The following CDH18 variants were observed in gnomAD, a reference collection of about 807,000 sequenced individuals.
The protein encoded by CDH18 is cadherin 18.
In CDH18, 31 loss-of-function variants were observed where a neutral mutation model predicts 67.9. That is an observed-to-expected ratio of 0.46 (90% CI 0.34 to 0.62). CDH18 has a LOEUF of 0.62. CDH18 is among the 20% of genes least tolerant of loss of function. The pLI is 0.01. For missense variants in CDH18, 890 were observed against 975.5 expected (o/e 0.91, Z 1.17); for synonymous variants, 362 against 347.2 (o/e 1.04, Z -0.48).
At chr5:20,325,666 A>AT (rs1039064617) in intron 1 of CDH18, among the ~76,000 whole-genome samples, 1 of 152,034 alleles carries the variant, frequency 6.6e-6, no homozygotes, top group Non-Finnish European at 1.5e-5. Context: ...TAGAAAAAAA[A>AT]AAGAAATAAA....
At chr5:20,095,391 AG>A (rs1451531041) in intron 2 of CDH18, among the ~76,000 whole-genome samples, 14 of 82,404 alleles carry the variant, frequency 1.7e-4, no homozygotes, top group South Asian at 1.3e-3. Flanking sequence ...AAAGAGAAAC[AG>A]AAGAAAGAAA....
At chr5:20,146,609 T>C (rs1300248533) in intron 2 of CDH18, among the ~76,000 whole-genome samples, 2 of 72,922 alleles carry the variant, frequency 2.7e-5, no homozygotes, top group Non-Finnish European at 6.7e-5. Context: ...TACTGAAAAC[T>C]AATTTTGTAA....
At chr5:20,510,925 A>G (rs191335296) in intron 1 of CDH18, among the ~76,000 whole-genome samples, 2 of 152,324 alleles carry the variant, frequency 1.3e-5, no homozygotes, top group African/African-American at 4.8e-5. Context: ...CAAAACACCG[A>G]TGTTGCCGAT....
chr5:20,471,946 G>GT (rs1554005570), intron 1 of CDH18, among the ~76,000 whole-genome samples: 3 of 102 alleles, frequency 0.029, no homozygotes, highest in African/African-American at 0.075. Context: ...ATACTCCTGG[G>GT]TGTCTGTCTA....
intron 2 of CDH18, among the ~76,000 whole-genome samples, chr5:20,242,895 T>C (rs183739530): frequency 4.0e-4 from 61 of 152,030 alleles, no homozygotes; most frequent in Admixed American, 3.4e-3. Context: ...TTTAGTAAAT[T>C]CTTCATTGAA....
rs1202344827 is a variant in CDH18 at position 19,903,556 on chromosome 5, T to C, written c.-256-64314A>G. On this transcript the variant is annotated intron_variant, in intron 2 of 12. Transcript: ENST00000382275. The stretch of plus-strand genomic sequence containing the variant: ...GTGTGTGTGTGTATATATATATATA[T>C]ATATATATATTTGTTGAGCCTCAGC... 1.8e-4 allele frequency among the ~76,000 whole-genome samples: 26 copies of C among 146,334 alleles called. No individual in the cohort carries two copies. The East Asian group carries it at 4.8e-3, about 27-fold the overall frequency.
chr5:20,472,032 G>A (rs1190157501), intron 1 of CDH18, among the ~76,000 whole-genome samples: 1 of 4,312 alleles, frequency 2.3e-4, no homozygotes, highest in East Asian at 7.1e-3. Context: ...TCCAGCCACT[G>A]TGAATATCGT....
chr5:19,579,751 GT>G (rs991715414), intron 7 of CDH18, among the ~76,000 whole-genome samples: 10 of 151,520 alleles, frequency 6.6e-5, no homozygotes, highest in African/African-American at 2.4e-4. Flanking sequence ...TGTTTCTACA[GT>G]TTTTAAGGCA....
intron 2 of CDH18, among the ~76,000 whole-genome samples, chr5:19,996,905 C>T (rs1293987700): frequency 6.6e-6 from 1 of 151,908 alleles, no homozygotes; most frequent in Non-Finnish European, 1.5e-5. Context: ...AATATATGTA[C>T]ACCTGACTAG....
intron 2 of CDH18, among the ~76,000 whole-genome samples, chr5:20,034,757 A>G (rs1447160135): frequency 6.6e-6 from 1 of 151,998 alleles, no homozygotes; most frequent in African/African-American, 2.4e-5. Flanking sequence ...AACCTTCATA[A>G]TTGTATGAAC....
chr5:20,172,228 A>ACG (rs1561848726), intron 2 of CDH18, among the ~76,000 whole-genome samples: 13 of 110,694 alleles, frequency 1.2e-4, no homozygotes, highest in South Asian at 2.7e-4. Context: ...ATATATGTAT[A>ACG]TATATATATA....
chr5:19,709,282 G>C (rs1311603612), intron 5 of CDH18, among the ~76,000 whole-genome samples: 1 of 152,046 alleles, frequency 6.6e-6, no homozygotes. Flanking sequence ...TAAAGAAAAG[G>C]CTTGGCCCAG....
intron 2 of CDH18, among the ~76,000 whole-genome samples, chr5:19,873,815 T>C (rs1408421480): frequency 7.9e-5 from 12 of 151,980 alleles, no homozygotes. Context: ...GCCCGGCTAA[T>C]TTTTTGTATT....
In CDH18 at chr5:20,526,529, C is replaced by A. The variant is rs187987089; in HGVS notation, c.-580+48933G>T. The stretch of plus-strand genomic sequence containing the variant: ...AGCTCTGGCTGGCACTAGGTCAGTG[C>A]CCCTCTGGGACGAAGCTTCCGGAGG... On this transcript the variant is annotated intron_variant, in intron 1 of 14. Transcript: ENST00000507958. 6.1e-3 allele frequency among the ~76,000 whole-genome samples: 926 copies of A among 152,136 alleles called. 3 individuals carry two copies. Among genetic ancestry groups the A allele is most frequent in the Non-Finnish European group, 9.2e-3 (625 of 68,020 alleles).
At chr5:19,638,682 G>A (rs1753527019) in intron 5 of CDH18, among the ~76,000 whole-genome samples, 1 of 151,274 alleles carries the variant, frequency 6.6e-6, no homozygotes, top group African/African-American at 2.4e-5. Flanking sequence ...AAATTATCCA[G>A]CCATCCATGA....
At chr5:20,132,440 C>T (rs1185146183) in intron 2 of CDH18, among the ~76,000 whole-genome samples, 1 of 152,048 alleles carries the variant, frequency 6.6e-6, no homozygotes, top group Non-Finnish European at 1.5e-5. Context: ...TGAACCAATA[C>T]AAATGCACTA....
chr5:20,075,453 A>C (rs1420275790), intron 2 of CDH18, among the ~76,000 whole-genome samples: 1 of 152,122 alleles, frequency 6.6e-6, no homozygotes, highest in African/African-American at 2.4e-5. Flanking sequence ...CAGTGAGCCG[A>C]GATTGCGCCA....
At chr5:19,859,078 A>G (rs1477908207) in intron 2 of CDH18, among the ~76,000 whole-genome samples, 1 of 152,188 alleles carries the variant, frequency 6.6e-6, no homozygotes, top group Non-Finnish European at 1.5e-5. Flanking sequence ...AACCATCACC[A>G]AAATCAACGC....
intron 1 of CDH18, among the ~76,000 whole-genome samples, chr5:20,519,446 A>C (rs939805761): frequency 2.6e-5 from 4 of 152,110 alleles, no homozygotes; most frequent in Non-Finnish European, 1.5e-5. Context: ...CAGGAAGGGG[A>C]ACATCACACT....
Sources: allele counts gnomAD v4.1 joint callset (sites outside exome capture counted in the v4.1 genomes callset), GRCh38; gene constraint gnomAD v4.1.1; transcripts MANE v1.5; gene names NCBI Gene and HGNC (gene_info 2026-07-23, HGNC 2026-07-21).